SPAG17: variants seen among roughly 807,000 people sequenced by gnomAD.
SPAG17 encodes the protein sperm-associated antigen 17.
Under a neutral mutation model 273.6 loss-of-function variants are expected in SPAG17, and 169 were observed. That is an observed-to-expected ratio of 0.62 (90% confidence interval 0.55 to 0.70). SPAG17 has a LOEUF of 0.70. SPAG17 is among the 30% of genes least tolerant of loss of function. The pLI, the probability that SPAG17 is intolerant of heterozygous loss-of-function variation, is 0.00. For synonymous variants in SPAG17, 825 were observed against 873.2 expected, an observed-to-expected ratio of 0.94 and a Z score of 0.97; for missense variants, 2,557 against 2,627.8, an observed-to-expected ratio of 0.97 and a Z score of 0.59.
At chr1:118,035,518 A>C (rs556466984) in intron 24 of SPAG17, among the ~76,000 whole-genome samples, 65 of 152,316 alleles carry the variant, frequency 4.3e-4, no homozygotes, top group African/African-American at 1.5e-3. Flanking sequence ...GCAAAGGCAA[A>C]ATTAAAACAC....
At chr1:118,031,614 T>G in intron 25 of SPAG17, 78 bp downstream of exon 25, 3 of 1,419,120 alleles carry the variant, frequency 2.1e-6, no homozygotes, top group Non-Finnish European at 2.9e-6. Flanking sequence ...ATAACACTAT[T>G]GACATAAGTC....
chr1:118,092,930 C>T (rs761541177), intron 8 of SPAG17, among the ~76,000 whole-genome samples: 11 of 152,182 alleles, frequency 7.2e-5, no homozygotes, highest in Non-Finnish European at 1.3e-4. Flanking sequence ...AGATGTTATT[C>T]ATTGTACCAA....
At chr1:118,168,338 T>G (rs1016065361) in intron 1 of SPAG17, among the ~76,000 whole-genome samples, 1 of 152,100 alleles carries the variant, frequency 6.6e-6, no homozygotes, top group Non-Finnish European at 1.5e-5. Context: ...CTAGATGCCT[T>G]TAATTCTTTT....
At chr1:117,973,351 GA>G (rs1557852376) in intron 44 of SPAG17, 73 bp downstream of exon 44, 1 of 1,552,334 alleles carries the variant, frequency 6.4e-7, no homozygotes, top group Non-Finnish European at 8.7e-7. Flanking sequence ...GAGCAGGATT[GA>G]AAAAAATAAA....
chr1:118,184,879 A>G (rs1661112587), intron 1 of SPAG17, among the ~76,000 whole-genome samples, 192 bp downstream of exon 1: 1 of 152,252 alleles, frequency 6.6e-6, no homozygotes, highest in Non-Finnish European at 1.5e-5. Flanking sequence ...ACACTGACTC[A>G]CCTGGTGGGT....
In SPAG17 at chr1:118,016,043, G is replaced by C. The variant is rs146386019; in HGVS notation, c.4209C>G (p.Ile1403Met). ...WFTTTPEGNR[I>M]GTKGLERIAD... The stretch of plus-strand genomic sequence containing the variant: ...CTATTCTTTCTAATCCTTTGGTGCC[G>C]ATCCGATTTCCTTCAGGTGTGGTTG... Residue 1403 changes from isoleucine (I) to methionine (M), a missense_variant, in exon 29 of 49, where the codon ATC (isoleucine) becomes ATG (methionine). By Grantham distance (10) the Ile-to-Met change is conservative. Transcript: ENST00000336338. The C allele has an allele frequency of 6.8e-6, 11 of 1,613,838 alleles. No individual in the cohort carries two copies. The highest frequency in any genetic ancestry group is 9.3e-6 in the Non-Finnish European group (11 of 1,179,952).
intron 30 of SPAG17, among the ~76,000 whole-genome samples, chr1:118,008,796 A>G (rs1320805767): frequency 6.6e-6 from 1 of 152,168 alleles, no homozygotes; most frequent in Non-Finnish European, 1.5e-5. Flanking sequence ...ATCTTGATCT[A>G]TATGTATCCA....
intron 42 of SPAG17, among the ~76,000 whole-genome samples, chr1:117,981,811 C>T (rs1273134370): frequency 1.3e-5 from 2 of 152,080 alleles, no homozygotes; most frequent in African/African-American, 4.8e-5. Flanking sequence ...ACTGTGAAAA[C>T]GTAGCTCTTT....
At chr1:118,035,645 A>C (rs1160895056) in intron 24 of SPAG17, among the ~76,000 whole-genome samples, 1 of 152,210 alleles carries the variant, frequency 6.6e-6, no homozygotes, top group Non-Finnish European at 1.5e-5. Context: ...TTGAAAATTT[A>C]TCTCTGCAAA....
intron 24 of SPAG17, among the ~76,000 whole-genome samples, chr1:118,035,520 T>A (rs1326805379): frequency 6.6e-6 from 1 of 152,120 alleles, no homozygotes; most frequent in Non-Finnish European, 1.5e-5. Flanking sequence ...AAAGGCAAAA[T>A]TAAAACACAA....
chr1:118,135,370 AATGT>A (rs1326397838), intron 3 of SPAG17, among the ~76,000 whole-genome samples: 8 of 125,820 alleles, frequency 6.4e-5, no homozygotes, highest in Non-Finnish European at 9.9e-5. Flanking sequence ...CAGCTCAAGC[AATGT>A]GTGTGTGTGT....
intron 26 of SPAG17, among the ~76,000 whole-genome samples, chr1:118,025,678 C>T (rs889723795): frequency 1.3e-5 from 2 of 151,954 alleles, no homozygotes; most frequent in African/African-American, 4.8e-5. Context: ...TTTTTGTAGA[C>T]AGAGGGTCTC....
intron 32 of SPAG17, among the ~76,000 whole-genome samples, chr1:118,003,891 C>A (rs190478848): frequency 7.6e-4 from 116 of 152,178 alleles, no homozygotes; most frequent in Non-Finnish European, 3.8e-4. Context: ...GGAGGAGAAG[C>A]ACTCTGATTT....
At chr1:118,066,111 A>G (rs1652936345) in intron 18 of SPAG17, among the ~76,000 whole-genome samples, 1 of 152,188 alleles carries the variant, frequency 6.6e-6, no homozygotes, top group South Asian at 2.1e-4. Context: ...ATTATTATGT[A>G]AGTCCATTCT....
At chr1:117,984,930 A>G (rs774973837) in intron 40 of SPAG17, 148 bp from the exon 41 acceptor site, 10 of 606,962 alleles carry the variant, frequency 1.6e-5, no homozygotes, top group Non-Finnish European at 2.6e-5. Context: ...TATTTTTGTC[A>G]ACTTGTTTTG....
chr1:118,130,845 A>C (rs1460674233), intron 3 of SPAG17, among the ~76,000 whole-genome samples: 1 of 152,230 alleles, frequency 6.6e-6, no homozygotes, highest in Non-Finnish European at 1.5e-5. Flanking sequence ...TACAAACATT[A>C]TTTCATGGGG....
chr1:117,979,847 TCTCAA>T (rs1054659195), intron 43 of SPAG17, among the ~76,000 whole-genome samples: 4 of 152,166 alleles, frequency 2.6e-5, no homozygotes, highest in Admixed American at 6.5e-5. Context: ...CTTATACTTG[TCTCAA>T]CTCAACTATT....
rs2102062477 is a variant in SPAG17 at position 118,066,815 on chromosome 1, T to C, written c.2470A>G (p.Asn824Asp). The C allele has an allele frequency of 6.2e-7, 1 of 1,613,844 alleles. No individual in the cohort carries two copies. Among genetic ancestry groups the C allele is most frequent in the East Asian group, 2.2e-5 (1 of 44,848 alleles). ...TGCAAACGTTGTCTATTCATTGGAT[T>C]GTGAAAGACTAAAAGTAAAGAGTTG... ...QDNSLLLVFHNPMNRQRLHCE... is the reference protein window; with the variant it reads ...QDNSLLLVFHDPMNRQRLHCE... The change falls in exon 18 of 49, where the codon AAT becomes GAT. Residue 824 changes from asparagine to aspartate, a missense_variant. By Grantham distance (23) the Asn-to-Asp change is conservative. Transcript: ENST00000336338.
chr1:118,052,720 A>G (rs539385435), intron 20 of SPAG17, among the ~76,000 whole-genome samples: 3 of 152,170 alleles, frequency 2.0e-5, no homozygotes, highest in Admixed American at 2.0e-4. Context: ...TTAAAAGCCA[A>G]CATAACCTTA....
Sources: gnomAD v4.1 joint callset for allele counts (sites outside exome capture counted in the v4.1 genomes callset) on GRCh38, gnomAD v4.1.1 for gene constraint, MANE v1.5 for transcripts, NCBI Gene and HGNC (gene_info 2026-07-23, HGNC 2026-07-21) for gene names.